Variants in MYO16 observed in about 807,000 individuals in gnomAD.
The protein encoded by MYO16 is myosin XVI, also known as unconventional myosin-XVI.
Under a neutral mutation model 205.3 loss-of-function variants are expected in MYO16, and 94 were observed. The ratio of observed to expected loss-of-function variants is 0.46; its 90% CI spans 0.39 to 0.54. MYO16 has a LOEUF of 0.54. MYO16 is among the 20% of genes least tolerant of loss of function. MYO16 has a pLI of 0.00. For synonymous variants in MYO16, 988 were observed against 954.0 expected, an observed-to-expected ratio of 1.04 and a Z score of -0.66; for missense variants, 2,315 against 2,387.5, an observed-to-expected ratio of 0.97 and a Z score of 0.63.
chr13:108,600,057 GA>G (rs549361476), intron 1 of MYO16, among the ~76,000 whole-genome samples: 1 of 151,986 alleles, frequency 6.6e-6, no homozygotes, highest in African/African-American at 2.4e-5. Context: ...TTATTCAGCT[GA>G]AAAAAAGTCA....
At chr13:108,620,721 G>A (rs1000695992) in intron 1 of MYO16, among the ~76,000 whole-genome samples, 2 of 152,198 alleles carry the variant, frequency 1.3e-5, no homozygotes, top group African/African-American at 4.8e-5. Flanking sequence ...CTTCCCACTT[G>A]TCACTGCCTC....
chr13:108,993,755 A>G (rs1039618331), intron 21 of MYO16, among the ~76,000 whole-genome samples: 1 of 152,228 alleles, frequency 6.6e-6, no homozygotes, highest in African/African-American at 2.4e-5. Flanking sequence ...AGTGTGACCA[A>G]TAGAATATAT....
upstream of MYO16, among the ~76,000 whole-genome samples, chr13:108,595,203 CA>C (rs1878512103): frequency 6.6e-6 from 1 of 152,266 alleles, no homozygotes; most frequent in African/African-American, 2.4e-5. Context: ...GGATTTCTTT[CA>C]GGGACCAGTC....
chr13:108,766,805 T>C (rs909376381), intron 4 of MYO16, among the ~76,000 whole-genome samples: 3 of 152,178 alleles, frequency 2.0e-5, no homozygotes, highest in Non-Finnish European at 1.5e-5. Flanking sequence ...CCTGATTCAT[T>C]TGAAGGTTTA....
intron 20 of MYO16, among the ~76,000 whole-genome samples, chr13:108,989,481 G>A (rs1884747367): frequency 2.0e-5 from 3 of 152,028 alleles, no homozygotes; most frequent in Admixed American, 2.0e-4. Context: ...TATAATTGGG[G>A]TTATTCTTTA....
chr13:109,036,647 T>C (rs1594490839), intron 23 of MYO16, among the ~76,000 whole-genome samples: 1 of 152,148 alleles, frequency 6.6e-6, no homozygotes, highest in East Asian at 1.9e-4. Flanking sequence ...TTGAACAGAA[T>C]CATTCCAAAG....
chr13:108,823,418 T>TTTAC lies in MYO16; in HGVS notation c.1097+141_1097+144dup, dbSNP rs1405924627. On this transcript the variant is annotated intron_variant, in intron 9 of 34. Transcript: ENST00000457511. ...CAATGTATATACCAAAGAATACTTGTTTACAGTGATGAGTTAAACATAATT... is the reference window on the plus strand; with the variant it reads ...CAATGTATATACCAAAGAATACTTGTTTACTTACAGTGATGAGTTAAACATAATT... The TTTAC allele has an allele frequency of 6.8e-5, 44 of 651,514 alleles. No individual in the cohort carries two copies. The East Asian group carries it at 1.2e-3, about 18-fold the overall frequency. 40.4% of individuals were successfully genotyped at this position (651,514 alleles called of 1,614,324 possible). A position where few individuals can be genotyped will look rare whatever the true frequency, so the allele number is the denominator to read the frequency against.
intron 10 of MYO16, among the ~76,000 whole-genome samples, chr13:108,850,151 G>T (rs1301748391): frequency 6.6e-6 from 1 of 151,800 alleles, no homozygotes; most frequent in Non-Finnish European, 1.5e-5. Context: ...TCCATACTGG[G>T]TTATTTGCGC....
intron 20 of MYO16, among the ~76,000 whole-genome samples, chr13:108,985,689 T>A (rs1239454222): frequency 6.6e-6 from 1 of 152,232 alleles, no homozygotes; most frequent in Non-Finnish European, 1.5e-5. Context: ...TAGATGATGC[T>A]TGAGCTTCTT....
rs1185246219 is a variant in MYO16, at chr13:109,140,700, C to G, written c.4488C>G (p.Asp1496Glu). Residue 1496 changes from aspartate (D) to glutamate (E), a missense_variant, in exon 32 of 35, where the codon GAC becomes GAG. Physicochemically the swap from Asp to Glu is conservative, Grantham distance 45. This residue lies in a region of MYO16 where 1,097 missense variants were observed against 1,092.0 expected (regional missense o/e 1.00). Coordinates refer to ENST00000457511, the MANE Select transcript of MYO16 (RefSeq NM_001198950.3). This position sits in a 1 kb window ranked among gnomAD's most constrained non-coding sequence, Gnocchi z 8.0. ...PEDEAAGPPGDACDIPPPFPN... is the reference protein window; with the variant it reads ...PEDEAAGPPGEACDIPPPFPN... ...ACGAGGCGGCGGGGCCCCCAGGGGA[C>G]GCGTGCGACATCCCGCCGCCCTTCC... 3.4e-6 allele frequency: 5 copies of G among 1,485,006 alleles called. No individual in the cohort carries two copies. Among genetic ancestry groups the G allele is most frequent in the South Asian group, 1.3e-5 (1 of 74,620 alleles). The allele number at this position is 1,485,006 out of a possible 1,614,324, so 92.0% of individuals were successfully genotyped here.
chr13:108,614,160 A>ATTGT (rs1243586611), intron 1 of MYO16, among the ~76,000 whole-genome samples: 1 of 152,122 alleles, frequency 6.6e-6, no homozygotes. Context: ...ACAAAAATCC[A>ATTGT]TTGTGTTTCT....
intron 1 of MYO16, among the ~76,000 whole-genome samples, chr13:108,640,570 CAT>C (rs1880461253): frequency 6.6e-6 from 1 of 152,174 alleles, no homozygotes; most frequent in African/African-American, 2.4e-5. Context: ...AAGTAGGTCA[CAT>C]GTGCTGATAT....
chr13:108,988,343 T>C (rs1884708007), intron 20 of MYO16, among the ~76,000 whole-genome samples: 1 of 152,226 alleles, frequency 6.6e-6, no homozygotes, highest in African/African-American at 2.4e-5. Flanking sequence ...AAATAAATTA[T>C]TTTAAATGAT....
chr13:108,786,095 G>A lies in MYO16; in HGVS notation c.616+352G>A, dbSNP rs148944377. Among the ~76,000 whole-genome samples, 8 of 152,362 alleles carry A rather than the reference G, an allele frequency of 5.3e-5. No individual in the cohort carries two copies. In the East Asian group the frequency reaches 9.6e-4, roughly 18 times the overall value. On this transcript the variant is annotated intron_variant, in intron 5 of 34. Coordinates refer to ENST00000457511, the MANE Select transcript of MYO16 (RefSeq NM_001198950.3). ...ACACAATTGAATTTTGAGCTAATGA[G>A]AACAAGGTCATCTGAAGTGTATTCT...
intron 31 of MYO16, among the ~76,000 whole-genome samples, chr13:109,138,670 T>G (rs1489470014): frequency 6.6e-6 from 1 of 152,102 alleles, no homozygotes; most frequent in African/African-American, 2.4e-5. Context: ...CTGTTGAGTA[T>G]GTGTTTTTGT....
chr13:108,937,335 A>G (rs765743998), intron 16 of MYO16, among the ~76,000 whole-genome samples: 62 of 151,944 alleles, frequency 4.1e-4, no homozygotes, highest in Admixed American at 3.4e-3. Flanking sequence ...TCTGGTAACT[A>G]TATACCTCGG....
At chr13:108,618,560 G>A (rs1219195799) in intron 1 of MYO16, among the ~76,000 whole-genome samples, 1 of 152,146 alleles carries the variant, frequency 6.6e-6, no homozygotes, top group Admixed American at 6.5e-5. Context: ...CCTCCATCTT[G>A]CTTTGTCTAA....
chr13:108,987,270 G>A (rs1440537751), intron 20 of MYO16, among the ~76,000 whole-genome samples: 1 of 152,162 alleles, frequency 6.6e-6, no homozygotes, highest in Non-Finnish European at 1.5e-5. Flanking sequence ...GAATTGCAAA[G>A]GCTTTCCATA....
chr13:108,910,417 A>C (rs951365652), intron 16 of MYO16, among the ~76,000 whole-genome samples: 1 of 152,138 alleles, frequency 6.6e-6, no homozygotes, highest in Non-Finnish European at 1.5e-5. Context: ...TACTCCTTTT[A>C]AGTATTTTGG....
Sources: allele counts gnomAD v4.1 joint callset (sites outside exome capture counted in the v4.1 genomes callset), GRCh38; gene constraint gnomAD v4.1.1; regional missense constraint gnomAD v4.1.1; non-coding constraint Gnocchi (gnomAD v3.1); transcripts MANE v1.5; gene names NCBI Gene and HGNC (gene_info 2026-07-23, HGNC 2026-07-21).